Variants in MEGF9 observed in about 807,000 individuals in gnomAD.
The protein encoded by MEGF9 is multiple EGF like domains 9, also known as multiple epidermal growth factor-like domains protein 9.
A neutral mutation model predicts 46.8 loss-of-function variants in MEGF9; 6 were observed. The ratio of observed to expected loss-of-function variants is 0.13; its 90% confidence interval spans 0.07 to 0.25. The LOEUF is 0.25. Among genes scored for constraint, MEGF9 ranks in the 10% least tolerant of loss-of-function variants. MEGF9 has a pLI of 1.00. For missense variants in MEGF9, 683 were observed against 792.4 expected (o/e 0.86, Z 1.66); for synonymous variants, 302 against 330.7 (o/e 0.91, Z 0.94).
At chr9:120,616,691 AAAAAAAAAAGTGGT>A (rs2043474505) in intron 3 of MEGF9, among the ~76,000 whole-genome samples, 1 of 151,848 alleles carries the variant, frequency 6.6e-6, no homozygotes, top group Admixed American at 6.6e-5. Flanking sequence ...AAAAAAAAAA[AAAAAAAAAAGTGGT>A]ATGGGAATTA....
intron 2 of MEGF9, among the ~76,000 whole-genome samples, chr9:120,647,549 T>A (rs1022184068): frequency 2.6e-5 from 4 of 152,118 alleles, no homozygotes; most frequent in Non-Finnish European, 5.9e-5. Context: ...CGGAAAAAAA[T>A]ATTCAAGTGT....
intron 1 of MEGF9, among the ~76,000 whole-genome samples, chr9:120,697,410 G>A (rs140130816): frequency 3.3e-5 from 5 of 150,690 alleles, no homozygotes; most frequent in South Asian, 2.1e-4. Context: ...ATAATCAAAC[G>A]TCATCTGCTA....
intron 4 of MEGF9, among the ~76,000 whole-genome samples, chr9:120,609,614 A>G (rs866045062): frequency 6.6e-6 from 1 of 152,118 alleles, no homozygotes; most frequent in South Asian, 2.1e-4. Context: ...AACAACTCAT[A>G]CCTATCTGTT....
intron 1 of MEGF9, among the ~76,000 whole-genome samples, chr9:120,681,914 C>T (rs941430055): frequency 2.6e-5 from 4 of 152,158 alleles, no homozygotes; most frequent in Admixed American, 6.5e-5. Context: ...AATCTGAATC[C>T]GTTGTTTATA....
At chr9:120,609,295 C>T (rs1464295310) in intron 4 of MEGF9, among the ~76,000 whole-genome samples, 1 of 70,474 alleles carries the variant, frequency 1.4e-5, no homozygotes. Flanking sequence ...CATGGGACAT[C>T]CTCTTGTCTC....
At chr9:120,681,096 G>C (rs1323853336) in intron 1 of MEGF9, among the ~76,000 whole-genome samples, 1 of 152,118 alleles carries the variant, frequency 6.6e-6, no homozygotes, top group Non-Finnish European at 1.5e-5. Context: ...TTCTCAAACA[G>C]AAGGAGTCTT....
At chr9:120,622,878 G>T in intron 2 of MEGF9, 123 bp from the exon 3 acceptor site, 1 of 909,760 alleles carries the variant, frequency 1.1e-6, no homozygotes, top group South Asian at 2.1e-5. Context: ...ATATCTCAAA[G>T]CCTTGTGTCC....
intron 2 of MEGF9, among the ~76,000 whole-genome samples, chr9:120,644,159 T>C (rs1351503893): frequency 6.6e-6 from 1 of 152,218 alleles, no homozygotes. Context: ...TAGGATATTG[T>C]CTCGCATTTA....
At chr9:120,678,211 G>C (rs958121117) in intron 1 of MEGF9, among the ~76,000 whole-genome samples, 2 of 152,198 alleles carry the variant, frequency 1.3e-5, no homozygotes, top group Non-Finnish European at 1.5e-5. Context: ...TACTTGGGTT[G>C]CTTCCAAATC....
intron 2 of MEGF9, among the ~76,000 whole-genome samples, chr9:120,637,487 T>C (rs1311306327): frequency 1.4e-5 from 2 of 142,746 alleles, no homozygotes; most frequent in Non-Finnish European, 3.1e-5. Context: ...TATTCTGCTT[T>C]AAAAAAAAAA....
intron 1 of MEGF9, among the ~76,000 whole-genome samples, chr9:120,685,588 C>T (rs1245482690): frequency 2.0e-5 from 3 of 152,126 alleles, no homozygotes; most frequent in African/African-American, 7.2e-5. Flanking sequence ...CCATTCACTA[C>T]TTTCTGTACC....
At chr9:120,699,487 A>G (rs2043893444) in intron 1 of MEGF9, among the ~76,000 whole-genome samples, 1 of 152,012 alleles carries the variant, frequency 6.6e-6, no homozygotes, top group Non-Finnish European at 1.5e-5. Flanking sequence ...TGAGGCTGCG[A>G]TAGGAAGATT....
intron 1 of MEGF9, among the ~76,000 whole-genome samples, chr9:120,675,487 G>A (rs1157035832): frequency 6.6e-5 from 10 of 152,094 alleles, no homozygotes; most frequent in Non-Finnish European, 1.5e-5. Context: ...CAGCTATACA[G>A]GAGGCTAAAG....
At chr9:120,659,670 T>G in intron 1 of MEGF9, 95 bp from the exon 2 acceptor site, 2 of 1,036,574 alleles carry the variant, frequency 1.9e-6, no homozygotes, top group Non-Finnish European at 2.7e-6. Flanking sequence ...TAAATTTTCA[T>G]GACAACTTTG....
At chr9:120,637,465 G>C (rs2043582883) in intron 2 of MEGF9, among the ~76,000 whole-genome samples, 1 of 149,638 alleles carries the variant, frequency 6.7e-6, no homozygotes, top group Non-Finnish European at 1.5e-5. Flanking sequence ...AAATTTTAAA[G>C]AATAAAGTAT....
intron 2 of MEGF9, among the ~76,000 whole-genome samples, chr9:120,624,873 A>C (rs2043517275): frequency 5.0e-5 from 1 of 19,890 alleles, no homozygotes; most frequent in Non-Finnish European, 1.4e-4. Flanking sequence ...ACTCCGTCTC[A>C]AAAAAAAAAA....
At chr9:120,675,395 G>T (rs1210744331) in intron 1 of MEGF9, among the ~76,000 whole-genome samples, 1 of 151,990 alleles carries the variant, frequency 6.6e-6, no homozygotes, top group African/African-American at 2.4e-5. Context: ...ATACTAGCCT[G>T]GGCAACATAG....
intron 1 of MEGF9, among the ~76,000 whole-genome samples, chr9:120,683,296 A>G (rs1281518737): frequency 6.6e-6 from 1 of 152,212 alleles, no homozygotes; most frequent in South Asian, 2.1e-4. Context: ...GATTTACCCA[A>G]AAAGTTGGCC....
chr9:120,661,497 A>C (rs2043701567), intron 1 of MEGF9, among the ~76,000 whole-genome samples: 2 of 152,254 alleles, frequency 1.3e-5, no homozygotes, highest in South Asian at 4.1e-4. Flanking sequence ...CACCTGGGTG[A>C]CAGAGTGAGA....
Sources: allele counts gnomAD v4.1 joint callset (sites outside exome capture counted in the v4.1 genomes callset), GRCh38; gene constraint gnomAD v4.1.1; transcripts MANE v1.5; gene names NCBI Gene and HGNC (gene_info 2026-07-23, HGNC 2026-07-21).